Variants in GMEB1 observed in about 807,000 individuals in gnomAD.
GMEB1 encodes glucocorticoid modulatory element binding protein 1, also known as glucocorticoid modulatory element-binding protein 1.
Under a neutral mutation model 52.4 loss-of-function variants are expected in GMEB1, and 6 were observed. The observed-to-expected ratio is 0.11, with a 90% CI of 0.06 to 0.23. GMEB1 has a LOEUF of 0.23. Ranked by LOEUF, GMEB1 falls within the 10% of genes least tolerant of loss-of-function variation. The probability of loss-of-function intolerance (pLI) is 1.00; values close to 1 mark genes in which losing one functional copy is unlikely to be tolerated. For missense variants in GMEB1, 486 were observed against 685.6 expected (o/e 0.71, Z 3.25); for synonymous variants, 255 against 244.9 (o/e 1.04, Z -0.38).
chr1:28,687,375 C>CAAA lies in GMEB1; in HGVS notation c.129-2728_129-2727insAAA, dbSNP rs1442461404. On this transcript the variant is annotated intron_variant, in intron 2 of 9. Coordinates refer to ENST00000373816, the MANE Select transcript of GMEB1 (RefSeq NM_001319674.2). ...ACACACACACACACACACACACACACACACACACACACAAAAAAAGACAGT... is the reference window on the plus strand; with the variant it reads ...ACACACACACACACACACACACACACAAAACACACACACACAAAAAAAGACAGT... Among the ~76,000 whole-genome samples, 10 of 19,192 alleles carry CAAA rather than the reference C, an allele frequency of 5.2e-4. 1 individual carries two copies. The highest frequency in any genetic ancestry group is 1.8e-3 in the African/African-American group (8 of 4,554). The allele number at this position is 19,192 out of a possible 152,430, so 12.6% of individuals were successfully genotyped here.
chr1:28,690,521 C>G (rs1189331430), intron 3 of GMEB1, among the ~76,000 whole-genome samples: 4 of 152,016 alleles, frequency 2.6e-5, no homozygotes, highest in African/African-American at 9.7e-5. Context: ...GAGGTATTGT[C>G]TAGAAGGCAG....
At chr1:28,704,596 T>C (rs2124563247) in intron 8 of GMEB1, among the ~76,000 whole-genome samples, 1 of 152,010 alleles carries the variant, frequency 6.6e-6, no homozygotes, top group African/African-American at 2.4e-5. Flanking sequence ...ATGCTTTGTC[T>C]CCACAAAAAA....
chr1:28,706,902 G>A (rs889381511), intron 8 of GMEB1, among the ~76,000 whole-genome samples: 7 of 150,812 alleles, frequency 4.6e-5, no homozygotes, highest in African/African-American at 1.5e-4. Context: ...CCTGACCTCC[G>A]GTAATCCACC....
chr1:28,677,768 C>T (rs963957406), intron 1 of GMEB1, among the ~76,000 whole-genome samples: 3 of 152,024 alleles, frequency 2.0e-5, no homozygotes, highest in African/African-American at 4.8e-5. Flanking sequence ...TTTCTAGACT[C>T]GAGGGTCTTA....
intron 6 of GMEB1, among the ~76,000 whole-genome samples, chr1:28,701,517 C>T (rs1557516261): frequency 6.6e-6 from 1 of 152,106 alleles, no homozygotes; most frequent in Admixed American, 6.6e-5. Context: ...ATCCGCCCAC[C>T]TCGGCCTCCC....
At position 28,683,723 on chromosome 1, in the gene GMEB1, A is replaced by G. The variant is rs779007378; in HGVS notation, c.111A>G (p.Leu37=). 6.2e-7 allele frequency: 1 copy of G among 1,612,394 alleles called. No individual in the cohort carries two copies. Among genetic ancestry groups the G allele is most frequent in the East Asian group, 2.2e-5 (1 of 44,736 alleles). ...CTAAAACCCAAGTGATTTTGCAGTT[A>G]CAGCCTGTGCAACAAGGGTAAGTGG... The part of the protein sequence containing the change: ...EDTKTQVILQ[L]QPVQQGIYEA... The change falls in exon 2 of 10, where the codon TTA becomes TTG. Residue 37 remains leucine (L), a synonymous_variant. Coordinates refer to ENST00000373816, the MANE Select transcript of GMEB1 (RefSeq NM_001319674.2).
Position 28,691,710 on chromosome 1 carries a change from G to A in GMEB1, c.336+1G>A. On this transcript the variant is annotated splice_donor_variant, in intron 4 of 9. Coordinates refer to ENST00000373816, the MANE Select transcript of GMEB1 (RefSeq NM_001319674.2). LOFTEE classifies it high-confidence loss of function. ...AGGAATAAACGTGAAGTGTGTCAAGGTAATTGTCTTTTCCATGCTGAAGCC... is the reference window on the plus strand; with the variant it reads ...AGGAATAAACGTGAAGTGTGTCAAGATAATTGTCTTTTCCATGCTGAAGCC... The A allele has an allele frequency of 6.7e-7, 1 of 1,489,786 alleles. No individual in the cohort carries two copies. Among genetic ancestry groups the A allele is most frequent in the Non-Finnish European group, 9.1e-7 (1 of 1,104,956 alleles). The allele number at this position is 1,489,786 out of a possible 1,614,324, so 92.3% of individuals were successfully genotyped here. A position where few individuals can be genotyped will look rare whatever the true frequency, so the allele number is the denominator to read the frequency against.
intron 1 of GMEB1, among the ~76,000 whole-genome samples, chr1:28,681,849 T>G (rs1012410928): frequency 5.9e-5 from 9 of 152,052 alleles, no homozygotes; most frequent in Admixed American, 5.9e-4. Flanking sequence ...ATTACAGGCA[T>G]GTACCACCGC....
At chr1:28,695,029 A>C (rs1183908662) in intron 5 of GMEB1, among the ~76,000 whole-genome samples, 2 of 140,712 alleles carry the variant, frequency 1.4e-5, no homozygotes, top group African/African-American at 5.5e-5. Context: ...CAGTGGCATG[A>C]TCTTGGCTCA....
chr1:28,688,305 A>G (rs1392903075), intron 2 of GMEB1, among the ~76,000 whole-genome samples: 5 of 152,134 alleles, frequency 3.3e-5, no homozygotes, highest in Non-Finnish European at 7.3e-5. Context: ...ACACATACAA[A>G]TGTATTTATT....
chr1:28,697,269 C>T (rs1428094806), intron 6 of GMEB1, among the ~76,000 whole-genome samples, 185 bp downstream of exon 6: 18 of 148,344 alleles, frequency 1.2e-4, no homozygotes, highest in Middle Eastern at 3.3e-3. Context: ...AGTGCAGTAG[C>T]GTGATCTCAG....
intron 1 of GMEB1, among the ~76,000 whole-genome samples, chr1:28,671,345 C>T (rs1336510902): frequency 6.6e-6 from 1 of 152,136 alleles, no homozygotes; most frequent in African/African-American, 2.4e-5. Flanking sequence ...TCTCAGCTCA[C>T]TGCAAACTCG....
At chr1:28,692,367 A>G (rs1670007318) in intron 4 of GMEB1, among the ~76,000 whole-genome samples, 1 of 152,054 alleles carries the variant, frequency 6.6e-6, no homozygotes. Flanking sequence ...CCCCATCTCT[A>G]CTAAAAATAC....
At chr1:28,683,226 C>T (rs1669476856) in intron 1 of GMEB1, among the ~76,000 whole-genome samples, 1 of 151,524 alleles carries the variant, frequency 6.6e-6, no homozygotes, top group East Asian at 1.9e-4. Flanking sequence ...TTCTTTTCTT[C>T]TTTTCTTTTT....
intron 4 of GMEB1, 88 bp from the exon 5 acceptor site, chr1:28,692,854 A>T: frequency 3.2e-6 from 2 of 629,702 alleles, no homozygotes; most frequent in Non-Finnish European, 5.6e-6. Context: ...TTTTTATACA[A>T]ATGATGTAGA....
At chr1:28,702,389 A>T in intron 6 of GMEB1, 49 bp from the exon 7 acceptor site, 1 of 1,547,864 alleles carries the variant, frequency 6.5e-7, no homozygotes, top group Non-Finnish European at 8.9e-7. Context: ...GGATAGCTAT[A>T]ACTTTTTCGT....
intron 9 of GMEB1, among the ~76,000 whole-genome samples, chr1:28,713,773 A>G (rs867971500): frequency 3.9e-5 from 6 of 152,144 alleles, no homozygotes; most frequent in Non-Finnish European, 7.3e-5. Context: ...AGCTGGGTGC[A>G]CTGGCTTATG....
intron 2 of GMEB1, among the ~76,000 whole-genome samples, chr1:28,688,473 TTAAA>T (rs1339944144): frequency 2.6e-5 from 4 of 152,118 alleles, no homozygotes; most frequent in Admixed American, 1.3e-4. Flanking sequence ...ATTACAGAAA[TTAAA>T]TAAAGGATGT....
At chr1:28,687,350 AC>A (rs1669696441) in intron 2 of GMEB1, among the ~76,000 whole-genome samples, 2 of 44,070 alleles carry the variant, frequency 4.5e-5, no homozygotes, top group Non-Finnish European at 5.1e-5. Flanking sequence ...ACACACACAC[AC>A]ACACACACAC....
Sources: gnomAD v4.1 joint callset for allele counts (sites outside exome capture counted in the v4.1 genomes callset) on GRCh38, gnomAD v4.1.1 for gene constraint, MANE v1.5 for transcripts, NCBI Gene and HGNC (gene_info 2026-07-23, HGNC 2026-07-21) for gene names.